The following ANKRD31 variants were observed in gnomAD, a reference collection of about 807,000 sequenced individuals.
The protein encoded by ANKRD31 is ankyrin repeat domain-containing protein 31.
ANKRD31 carries 147 observed loss-of-function variants against 186.0 expected under a neutral mutation model. That is an observed-to-expected ratio of 0.79 (90% CI 0.69 to 0.91). The LOEUF is 0.91. Among genes scored for constraint, ANKRD31 ranks in the 40% least tolerant of loss-of-function variants. The pLI, the probability that ANKRD31 is intolerant of heterozygous loss-of-function variation, is 0.00. For synonymous variants in ANKRD31, 673 were observed against 736.4 expected (o/e 0.91, Z 1.39); for missense variants, 1,986 against 2,148.8 (o/e 0.92, Z 1.50).
intron 12 of ANKRD31, among the ~76,000 whole-genome samples, chr5:75,150,079 T>C (rs1270550077): frequency 1.3e-5 from 2 of 151,916 alleles, no homozygotes; most frequent in African/African-American, 2.4e-5. Flanking sequence ...TACCGGGTAC[T>C]GTGTTGAGAT....
intron 10 of ANKRD31, among the ~76,000 whole-genome samples, chr5:75,181,177 A>G (rs1754262427): frequency 6.6e-6 from 1 of 152,200 alleles, no homozygotes; most frequent in South Asian, 2.1e-4. Context: ...AATCAAAACC[A>G]CAGTGAGATG....
chr5:75,217,671 T>C (rs1757041418), intron 3 of ANKRD31, among the ~76,000 whole-genome samples: 1 of 152,190 alleles, frequency 6.6e-6, no homozygotes, highest in African/African-American at 2.4e-5. Context: ...GATGGGTCTC[T>C]TGAAGACAGC....
intron 2 of ANKRD31, among the ~76,000 whole-genome samples, chr5:75,223,274 T>C (rs1373921157): frequency 6.6e-6 from 1 of 150,968 alleles, no homozygotes; most frequent in East Asian, 1.9e-4. Flanking sequence ...TATTTTTCAA[T>C]TATTAAGAGG....
chr5:75,102,102 G>T (rs1317893077), intron 22 of ANKRD31, among the ~76,000 whole-genome samples: 1 of 152,180 alleles, frequency 6.6e-6, no homozygotes, highest in African/African-American at 2.4e-5. Context: ...ACATACAGAT[G>T]GGGGTTTGGT....
At chr5:75,197,459 G>A (rs926237564) in intron 6 of ANKRD31, among the ~76,000 whole-genome samples, 7 of 152,166 alleles carry the variant, frequency 4.6e-5, no homozygotes, top group Admixed American at 3.9e-4. Context: ...TCTGGTATGA[G>A]TGAGAGAAGC....
chr5:75,154,150 T>C, intron 12 of ANKRD31, 51 bp downstream of exon 12: 4 of 1,329,676 alleles, frequency 3.0e-6, no homozygotes, highest in Non-Finnish European at 2.9e-6. Context: ...ATTAAATTTC[T>C]GTAACTTCAC....
At chr5:75,199,499 G>T (rs1755677366) in intron 6 of ANKRD31, 132 bp downstream of exon 6, 6 of 524,560 alleles carry the variant, frequency 1.1e-5, no homozygotes, top group Non-Finnish European at 1.5e-5. Flanking sequence ...GACAAGAATA[G>T]ATTTTTATCT....
intron 6 of ANKRD31, among the ~76,000 whole-genome samples, chr5:75,198,652 G>C (rs1286999511): frequency 5.3e-5 from 8 of 152,162 alleles, no homozygotes; most frequent in Non-Finnish European, 1.2e-4. Context: ...GTGCTAGAGA[G>C]GGAGCAATTA....
At chr5:75,165,310 G>T (rs1372959634) in intron 11 of ANKRD31, among the ~76,000 whole-genome samples, 2 of 152,060 alleles carry the variant, frequency 1.3e-5, no homozygotes, top group Non-Finnish European at 2.9e-5. Flanking sequence ...TATACTTTAA[G>T]AAAAAGAACT....
intron 25 of ANKRD31, among the ~76,000 whole-genome samples, chr5:75,073,542 G>A (rs1011144127): frequency 1.3e-5 from 2 of 152,302 alleles, no homozygotes; most frequent in Non-Finnish European, 2.9e-5. Flanking sequence ...GGCTTGAGAT[G>A]ATATAACAAA....
intron 10 of ANKRD31, among the ~76,000 whole-genome samples, chr5:75,175,233 G>A (rs1017504994): frequency 3.9e-5 from 6 of 152,092 alleles, no homozygotes; most frequent in African/African-American, 1.4e-4. Context: ...CTGTCGGGTC[G>A]GGCAGTTGCC....
In ANKRD31 at chr5:75,196,318, A is replaced by T. The variant is rs185687525; in HGVS notation, c.448-118T>A. On this transcript the variant is annotated intron_variant, in intron 6 of 25. Coordinates refer to ENST00000506364, the MANE Select transcript of ANKRD31 (RefSeq NM_001372053.1). ...TAAGCTACCCTCAAAATTTATCATC[A>T]ACTTTCCTTCCCTTCCATAAATAAA... 1.6e-4 allele frequency: 123 copies of T among 781,292 alleles called. No individual in the cohort carries two copies. The African/African-American group carries it at 2.0e-3, about 12-fold the overall frequency. 48.4% of individuals were successfully genotyped at this position (781,292 alleles called of 1,614,324 possible). A position where few individuals can be genotyped will look rare whatever the true frequency, so the allele number is the denominator to read the frequency against.
rs572483551 is a variant in ANKRD31, at chr5:75,199,566, G to A, written c.447+65C>T. 2.0e-5 allele frequency: 26 copies of A among 1,297,714 alleles called. No individual in the cohort carries two copies. The African/African-American group carries it at 2.7e-4, about 14-fold the overall frequency. The allele number at this position is 1,297,714 out of a possible 1,614,324, so 80.4% of individuals were successfully genotyped here. On this transcript the variant is annotated intron_variant, in intron 6 of 25. Coordinates refer to ENST00000506364, the MANE Select transcript of ANKRD31 (RefSeq NM_001372053.1). ...TCTAAATGAGCTTGATACTTTAATC[G>A]ACATAATTTTTTAAAAAATCTAAAC...
chr5:75,177,560 G>C (rs1179794500), intron 10 of ANKRD31, among the ~76,000 whole-genome samples: 1 of 152,156 alleles, frequency 6.6e-6, no homozygotes, highest in African/African-American at 2.4e-5. Flanking sequence ...CAAGCCAGAA[G>C]AGAGTGGGGG....
chr5:75,135,015 C>T (rs1580404644), intron 17 of ANKRD31, among the ~76,000 whole-genome samples: 1 of 152,254 alleles, frequency 6.6e-6, no homozygotes, highest in South Asian at 2.1e-4. Context: ...TGGGACGTAT[C>T]TCAAAATAAT....
Position 75,105,029 on chromosome 5 carries a change from A to G in ANKRD31, c.4530T>C (p.Ser1510=). The G allele has an allele frequency of 6.5e-7, 1 of 1,535,470 alleles. No homozygotes were observed. Among genetic ancestry groups the G allele is most frequent in the Non-Finnish European group, 8.7e-7 (1 of 1,145,668 alleles). The part of the protein sequence containing the change: ...LRKLPPRSEI[S]SEKDSQELTS... The stretch of plus-strand genomic sequence containing the variant: ...TGAGCTCTTGGCTGTCTTTTTCACT[A>G]GAGATTTCTGATCTGGGTGGGAGCT... The change falls in exon 22 of 26, where the codon TCT becomes TCC. Residue 1510 remains serine, a synonymous_variant. Coordinates refer to ENST00000506364, the MANE Select transcript of ANKRD31 (RefSeq NM_001372053.1).
At chr5:75,197,671 T>C (rs1396741784) in intron 6 of ANKRD31, among the ~76,000 whole-genome samples, 4 of 152,190 alleles carry the variant, frequency 2.6e-5, no homozygotes, top group Admixed American at 6.5e-5. Flanking sequence ...TCAAGGCCTC[T>C]CCACTATTTG....
chr5:75,176,670 T>G (rs554377341), intron 10 of ANKRD31, among the ~76,000 whole-genome samples: 575 of 152,064 alleles, frequency 3.8e-3, no homozygotes, highest in African/African-American at 0.013. Context: ...GCAGCTGAGG[T>G]TCCTGACTGT....
At chr5:75,096,755 C>G (rs1460274306) in intron 22 of ANKRD31, among the ~76,000 whole-genome samples, 1 of 151,962 alleles carries the variant, frequency 6.6e-6, no homozygotes. Flanking sequence ...TGTTGGTGTG[C>G]TGCACCCATT....
Sources: gnomAD v4.1 joint callset for allele counts (sites outside exome capture counted in the v4.1 genomes callset) on GRCh38, gnomAD v4.1.1 for gene constraint, MANE v1.5 for transcripts, NCBI Gene and HGNC (gene_info 2026-07-23, HGNC 2026-07-21) for gene names.